Variants in TELO2 observed in about 807,000 individuals in gnomAD.
The protein encoded by TELO2 is telomere length regulation protein TEL2 homolog.
In TELO2, 71 loss-of-function variants were observed where a neutral mutation model predicts 91.0. The observed-to-expected ratio is 0.78, with a 90% confidence interval of 0.64 to 0.95. The LOEUF (loss-of-function observed/expected upper bound fraction) is 0.95. TELO2 is among the 40% of genes least tolerant of loss of function. TELO2 has a pLI of 0.00. For missense variants in TELO2, 1,183 were observed against 1,141.3 expected (o/e 1.04, Z -0.53); for synonymous variants, 584 against 518.9 (o/e 1.13, Z -1.71).
chr16:1,503,300 A>G (rs548855335), intron 15 of TELO2, among the ~76,000 whole-genome samples: 1 of 152,366 alleles, frequency 6.6e-6, no homozygotes, highest in African/African-American at 2.4e-5. Context: ...AGCAATGAAA[A>G]AGAAAAATTT....
chr16:1,502,129 G>A lies in TELO2; in HGVS notation c.1555G>A (p.Val519Met), dbSNP rs1253720567. ...GGCTCCTGCCTACGTCCGGGACTGC[G>A]TGGAAGGTGGGCACGGGCCCCTGGA... ...SKAPAYVRDCVEALTTSEDIE... is the reference protein window; with the variant it reads ...SKAPAYVRDCMEALTTSEDIE... The change falls in exon 12 of 21, where the codon GTG becomes ATG. Residue 519 changes from valine to methionine, a missense_variant. Coordinates refer to ENST00000262319, the MANE Select transcript of TELO2 (RefSeq NM_016111.4). 15 of 1,612,740 alleles carry A rather than the reference G, an allele frequency of 9.3e-6. No individual in the cohort carries two copies. The highest frequency in any genetic ancestry group is 1.6e-4 in the Middle Eastern group (1 of 6,082).
chr16:1,510,408 G>A lies in TELO2; in HGVS notation c.*472G>A, dbSNP rs2040095913. 3 of 224,042 alleles carry A rather than the reference G, an allele frequency of 1.3e-5. No individual in the cohort carries two copies. The highest frequency in any genetic ancestry group is 1.0e-4 in the Admixed American group (2 of 19,136). 13.9% of individuals were successfully genotyped at this position (224,042 alleles called of 1,614,324 possible). A position where few individuals can be genotyped will look rare whatever the true frequency, so the allele number is the denominator to read the frequency against. ...GCTCCTGGATGGGCTCGTGGGGCGG[G>A]ATGGGACAGGGCACGGGCTCTCAGA... On this transcript the variant is annotated 3_prime_UTR_variant, in exon 21 of 21. Coordinates refer to ENST00000262319, the MANE Select transcript of TELO2 (RefSeq NM_016111.4).
chr16:1,507,774 A>ATGTGTGTG (rs1258445053), intron 20 of TELO2, 58 bp downstream of exon 20: 2 of 1,025,358 alleles, frequency 2.0e-6, no homozygotes, highest in African/African-American at 2.1e-5. Context: ...GTGTGTGTGT[A>ATGTGTGTG]TGTGTGTGTG....
At chr16:1,495,144 G>A (rs372767428) in intron 2 of TELO2, among the ~76,000 whole-genome samples, 2 of 152,380 alleles carry the variant, frequency 1.3e-5, no homozygotes, top group East Asian at 3.9e-4. Flanking sequence ...AAGCCGCTCA[G>A]GGCCCCGAGA....
At position 1,497,172 on chromosome 16, in the gene TELO2, G is replaced by A. The variant is rs2141023981; in HGVS notation, c.682+68G>A. 2 of 1,594,428 alleles carry A rather than the reference G, an allele frequency of 1.3e-6. No homozygotes were observed. Among genetic ancestry groups the A allele is most frequent in the Non-Finnish European group, 8.6e-7 (1 of 1,166,802 alleles). On this transcript the variant is annotated intron_variant, in intron 4 of 20. Transcript: ENST00000262319. The surrounding 1 kb of genome is among the most constrained non-coding windows in gnomAD (Gnocchi z 4.0). ...CACAGCCCATCAGCCTTCTGCAGAAGGCCGAGAATCCCTCCTGACCCTGGC... is the reference window on the plus strand; with the variant it reads ...CACAGCCCATCAGCCTTCTGCAGAAAGCCGAGAATCCCTCCTGACCCTGGC...
chr16:1,499,208 T>C, intron 5 of TELO2, 23 bp from the exon 6 acceptor site: 3 of 1,612,824 alleles, frequency 1.9e-6, no homozygotes, highest in Non-Finnish European at 2.5e-6. Flanking sequence ...CTTGCAGCTC[T>C]GGCCCCTGAC....
rs1482865513 is a variant in TELO2 at position 1,501,691 on chromosome 16, C to G, written c.1390C>G (p.Pro464Ala). 9.9e-6 allele frequency: 16 copies of G among 1,611,200 alleles called. No homozygotes were observed. The East Asian group carries it at 3.6e-4, about 36-fold the overall frequency. Residue 464 changes from proline (P) to alanine (A), a missense_variant, in exon 11 of 21, where the codon CCC becomes GCC. Physicochemically the swap from Pro to Ala is conservative, Grantham distance 27. Transcript: ENST00000262319. ...GTSLVPATAE[P>A]PAETPAEIVD... The stretch of plus-strand genomic sequence containing the variant: ...GTCCCTCGTTCCAGCCACGGCAGAG[C>G]CCCCTGCAGAGACCCCCGCAGAGAT...
chr16:1,507,209 T>C, intron 18 of TELO2, 97 bp from the exon 19 acceptor site: 5 of 1,530,552 alleles, frequency 3.3e-6, no homozygotes, highest in Non-Finnish European at 4.4e-6. Flanking sequence ...AGGCAGGCCC[T>C]GTCCCTGCTG....
rs1461099048 is a variant in TELO2, at chr16:1,505,694, G to T, written c.2034+93G>T. On this transcript the variant is annotated intron_variant, in intron 16 of 20. Transcript: ENST00000262319. This position sits in a 1 kb window ranked among gnomAD's most constrained non-coding sequence, Gnocchi z 4.3. ...ACCTCCAGGCGCTGTCTGCAGCGAG[G>T]GGCGGCCACATTCGCTGGGGATGGT... 3 of 1,427,380 alleles carry T rather than the reference G, an allele frequency of 2.1e-6. No homozygotes were observed. Among genetic ancestry groups the T allele is most frequent in the East Asian group, 4.9e-5 (2 of 40,456 alleles). 88.4% of individuals were successfully genotyped at this position (1,427,380 alleles called of 1,614,324 possible).
In TELO2 at chr16:1,509,837, TGAGA is replaced by T. The variant is rs1567310133; in HGVS notation, c.2416_2419del (p.Glu806LysfsTer12). The T allele has an allele frequency of 3.7e-6, 6 of 1,610,836 alleles. No individual in the cohort carries two copies. The South Asian group carries it at 5.5e-5, about 15-fold the overall frequency. ...GTCACTCTCGTCTGGCAGACGTGGC[TGAGA>T]AAGACCCGGACGAGGACTGCAGGAC... is the stretch of plus-strand genomic sequence containing the variant. On this transcript the variant is annotated frameshift_variant, in exon 21 of 21. Coordinates refer to ENST00000262319, the MANE Select transcript of TELO2 (RefSeq NM_016111.4). LOFTEE classifies it low-confidence loss of function (END_TRUNC).
chr16:1,496,181 G>A (rs1202871305), intron 3 of TELO2, among the ~76,000 whole-genome samples: 3 of 152,188 alleles, frequency 2.0e-5, no homozygotes, highest in East Asian at 1.9e-4. Flanking sequence ...GACGCAGGTC[G>A]AGCACCTGGG....
chr16:1,500,512 C>T, intron 8 of TELO2, 24 bp downstream of exon 8: 1 of 1,609,436 alleles, frequency 6.2e-7, no homozygotes. Flanking sequence ...TTGGGCTCCC[C>T]CCGGCCTCGG....
chr16:1,508,790 C>T (rs12149844), intron 20 of TELO2, among the ~76,000 whole-genome samples: 3 of 152,282 alleles, frequency 2.0e-5, no homozygotes, highest in East Asian at 1.9e-4. Context: ...GGCACGGTAC[C>T]GATGGACACG....
chr16:1,499,655 A>G (rs1225811010), intron 6 of TELO2, among the ~76,000 whole-genome samples: 1 of 151,978 alleles, frequency 6.6e-6, no homozygotes, highest in Admixed American at 6.6e-5. Context: ...GAGGTCGTGC[A>G]TTTCCGGGAC....
In TELO2 at chr16:1,501,426, G is replaced by T; in HGVS notation, c.1288G>T (p.Glu430Ter). ...EGPPLKFQYE[E>*]DELSLELLAL... The stretch of plus-strand genomic sequence containing the variant: ...GCCTGCTCCCCTGCTGTAGTACGAA[G>T]AGGATGAACTGAGCCTCGAGCTGCT... The change falls in exon 10 of 21, where the codon GAG becomes TAG. Residue 430 changes from glutamate to a stop codon, truncating the protein, a stop_gained. Coordinates refer to ENST00000262319, the MANE Select transcript of TELO2 (RefSeq NM_016111.4). LOFTEE classifies it high-confidence loss of function. 6.2e-7 allele frequency: 1 copy of T among 1,612,492 alleles called. No homozygotes were observed. The highest frequency in any genetic ancestry group is 8.5e-7 in the Non-Finnish European group (1 of 1,179,744).
In TELO2 at chr16:1,505,053, C is replaced by T. The variant is rs1443553671; in HGVS notation, c.1843-357C>T. On this transcript the variant is annotated intron_variant, in intron 15 of 20. Coordinates refer to ENST00000262319, the MANE Select transcript of TELO2 (RefSeq NM_016111.4). This position sits in a 1 kb window ranked among gnomAD's most constrained non-coding sequence, Gnocchi z 4.3. ...GCCTTCTCTGCAATGTTCTGAGGTC[C>T]CCCCGCCCGTGGCACGTGCCGCTGC... 8.9e-6 allele frequency: 2 copies of T among 225,364 alleles called. No homozygotes were observed. The highest frequency in any genetic ancestry group is 9.7e-5 in the East Asian group (1 of 10,340). 14.0% of individuals were successfully genotyped at this position (225,364 alleles called of 1,614,324 possible).
chr16:1,505,570 G>A lies in TELO2; in HGVS notation c.2003G>A (p.Arg668Gln), dbSNP rs150934316. 2.6e-5 allele frequency: 42 copies of A among 1,612,654 alleles called. No homozygotes were observed. Among genetic ancestry groups the A allele is most frequent in the East Asian group, 8.9e-5 (4 of 44,852 alleles). Residue 668 changes from arginine (R) to glutamine (Q), a missense_variant, in exon 16 of 21, where the codon CGG becomes CAG. Transcript: ENST00000262319. The surrounding 1 kb of genome is among the most constrained non-coding windows in gnomAD (Gnocchi z 4.3). ...GACTGGCGGGTGGTGGTGGAGGAGC[G>A]GATCAGAAGCAAGACCCAGCGGCTC... ...ASDWRVVVEE[R>Q]IRSKTQRLSK...
chr16:1,510,192 C>A lies in TELO2; in HGVS notation c.*256C>A. Reference sequence around the variant, plus strand: ...GGGCTGGGGCTGTGGGCGCTGCTGGCGGGGTTGACTCTTCCAGTGAGGGCA... The same window carrying A: ...GGGCTGGGGCTGTGGGCGCTGCTGGAGGGGTTGACTCTTCCAGTGAGGGCA... On this transcript the variant is annotated 3_prime_UTR_variant, in exon 21 of 21. Coordinates refer to ENST00000262319, the MANE Select transcript of TELO2 (RefSeq NM_016111.4). 2 of 504,552 alleles carry A rather than the reference C, an allele frequency of 4.0e-6. No individual in the cohort carries two copies. Among genetic ancestry groups the A allele is most frequent in the Non-Finnish European group, 7.2e-6 (2 of 277,328 alleles). The allele number at this position is 504,552 out of a possible 1,614,324, so 31.3% of individuals were successfully genotyped here.
In TELO2 at chr16:1,505,417, C is replaced by T. The variant is rs2039853815; in HGVS notation, c.1850C>T (p.Thr617Ile). 1 of 1,609,518 alleles carries T rather than the reference C, an allele frequency of 6.2e-7. No individual in the cohort carries two copies. The highest frequency in any genetic ancestry group is 1.3e-5 in the African/African-American group (1 of 74,852). ...RQRMDILDVLTLAAQELSRPG... is the reference protein window; with the variant it reads ...RQRMDILDVLILAAQELSRPG... ...GGGCCTGTCTCCCTCCAGGTGCTGA[C>T]TCTGGCTGCCCAGGAGCTGTCTAGG... The change falls in exon 16 of 21, where the codon ACT becomes ATT. Residue 617 changes from threonine to isoleucine, a missense_variant. Physicochemically the swap from Thr to Ile is moderately conservative, Grantham distance 89. Coordinates refer to ENST00000262319, the MANE Select transcript of TELO2 (RefSeq NM_016111.4). This position sits in a 1 kb window ranked among gnomAD's most constrained non-coding sequence, Gnocchi z 4.3.
Sources: allele counts gnomAD v4.1 joint callset (sites outside exome capture counted in the v4.1 genomes callset), GRCh38; gene constraint gnomAD v4.1.1; non-coding constraint Gnocchi (gnomAD v3.1); transcripts MANE v1.5; gene names NCBI Gene and HGNC (gene_info 2026-07-23, HGNC 2026-07-21).